The following MPDZ variants were observed in gnomAD, a reference collection of about 807,000 sequenced individuals.
MPDZ encodes multiple PDZ domain crumbs cell polarity complex component.
A neutral mutation model predicts 239.1 loss-of-function variants in MPDZ; 234 were observed. The ratio of observed to expected loss-of-function variants is 0.98; its 90% CI spans 0.88 to 1.09. MPDZ has a LOEUF of 1.09. Among genes scored for constraint, MPDZ ranks in the 50% least tolerant of loss-of-function variants. The pLI is 0.00. For synonymous variants in MPDZ, 1,048 were observed against 881.3 expected (o/e 1.19, Z -3.35); for missense variants, 3,175 against 2,510.0 (o/e 1.26, Z -5.66).
chr9:13,207,481 C>T (rs192078660), intron 10 of MPDZ, among the ~76,000 whole-genome samples: 1 of 152,286 alleles, frequency 6.6e-6, no homozygotes, highest in Admixed American at 6.5e-5. Context: ...ATGGAGTCTC[C>T]GCAAGTCCTG....
chr9:13,121,506 C>A (rs1944343005), intron 38 of MPDZ, among the ~76,000 whole-genome samples: 1 of 152,172 alleles, frequency 6.6e-6, no homozygotes, highest in Non-Finnish European at 1.5e-5. Context: ...ATAGCAGGTG[C>A]TCAAAAATAC....
intron 17 of MPDZ, 43 bp from the exon 18 acceptor site, chr9:13,186,429 C>A: frequency 1.5e-6 from 2 of 1,327,964 alleles, no homozygotes; most frequent in Non-Finnish European, 2.1e-6. Flanking sequence ...GAGAGAACAG[C>A]AAAGAAGAAA....
At chr9:13,164,658 C>G (rs1018039928) in intron 22 of MPDZ, among the ~76,000 whole-genome samples, 1 of 152,022 alleles carries the variant, frequency 6.6e-6, no homozygotes, top group Non-Finnish European at 1.5e-5. Context: ...TATATTTGTT[C>G]AAAGTTGTTT....
chr9:13,189,488 C>T lies in MPDZ; in HGVS notation c.2155-495G>A, dbSNP rs1208064753. Among the ~76,000 whole-genome samples, 11 of 152,138 alleles carry T rather than the reference C, an allele frequency of 7.2e-5. No homozygotes were observed. In the East Asian group the frequency reaches 2.1e-3, roughly 30 times the overall value. On this transcript the variant is annotated intron_variant, in intron 16 of 46. Coordinates refer to ENST00000319217, the MANE Select transcript of MPDZ (RefSeq NM_001378778.1). ...TGGTAGTGAAGTGTTTTCAGACACA[C>T]AGCAACCTTAATGTTTTAACAAGGC...
chr9:13,158,572 T>C (rs1024615268), intron 23 of MPDZ, among the ~76,000 whole-genome samples: 1 of 152,182 alleles, frequency 6.6e-6, no homozygotes, highest in Non-Finnish European at 1.5e-5. Context: ...TTAGTATCTC[T>C]GCTTCCTAAG....
rs749740776 is a variant in MPDZ, at chr9:13,206,036, C to T, written c.1354G>A (p.Gly452Arg). The T allele has an allele frequency of 1.2e-6, 2 of 1,612,500 alleles. No homozygotes were observed. The highest frequency in any genetic ancestry group is 3.3e-4 in the Middle Eastern group (2 of 6,058). The stretch of plus-strand genomic sequence containing the variant: ...ATTAGTGTCAGGAGCACAGTTTGTC[C>T]TGTATGTCGCAATACCTCTACTGCT... ...QQAVEVLRHT[G>R]QTVLLTLMRR... Residue 452 changes from glycine (G) to arginine (R), a missense_variant, in exon 11 of 47, where the codon GGA becomes AGA. Physicochemically the swap from Gly to Arg is moderately radical, Grantham distance 125. Coordinates refer to ENST00000319217, the MANE Select transcript of MPDZ (RefSeq NM_001378778.1).
At chr9:13,160,155 A>G (rs1030349748) in intron 23 of MPDZ, among the ~76,000 whole-genome samples, 1 of 152,056 alleles carries the variant, frequency 6.6e-6, no homozygotes, top group African/African-American at 2.4e-5. Flanking sequence ...GCTGCCACAT[A>G]TTTTTATATG....
At chr9:13,211,767 A>C (rs1441194589) in intron 10 of MPDZ, among the ~76,000 whole-genome samples, 1 of 152,104 alleles carries the variant, frequency 6.6e-6, no homozygotes, top group Non-Finnish European at 1.5e-5. Context: ...TAAGTTTTTA[A>C]GTAAAATAAA....
intron 39 of MPDZ, among the ~76,000 whole-genome samples, chr9:13,117,299 A>T (rs930550327): frequency 3.3e-5 from 5 of 152,128 alleles, no homozygotes; most frequent in Admixed American, 6.5e-5. Flanking sequence ...TGGGAGGCCG[A>T]GATGGGTGGA....
chr9:13,116,382 C>T (rs1013031646), intron 39 of MPDZ, among the ~76,000 whole-genome samples: 1 of 152,054 alleles, frequency 6.6e-6, no homozygotes, highest in Non-Finnish European at 1.5e-5. Context: ...AAACCATGAA[C>T]AATGCTTATG....
chr9:13,171,155 A>G (rs998813289), intron 21 of MPDZ, among the ~76,000 whole-genome samples: 1 of 152,202 alleles, frequency 6.6e-6, no homozygotes, highest in Admixed American at 6.6e-5. Flanking sequence ...TGAGAAACAC[A>G]TATGTAATAG....
chr9:13,148,275 T>C (rs547682915), intron 25 of MPDZ, among the ~76,000 whole-genome samples: 18 of 152,226 alleles, frequency 1.2e-4, no homozygotes, highest in African/African-American at 3.8e-4. Flanking sequence ...TTGTAAATTT[T>C]ATTGATCATG....
At chr9:13,163,429 T>C (rs949364147) in intron 22 of MPDZ, among the ~76,000 whole-genome samples, 1 of 152,142 alleles carries the variant, frequency 6.6e-6, no homozygotes, top group African/African-American at 2.4e-5. Flanking sequence ...AAGACTACTA[T>C]TTACACGTGA....
chr9:13,182,560 AAAC>A (rs1953496988), intron 19 of MPDZ, among the ~76,000 whole-genome samples: 1 of 152,110 alleles, frequency 6.6e-6, no homozygotes, highest in African/African-American at 2.4e-5. Flanking sequence ...AATTTCCAAA[AAAC>A]AACTGCAAAG....
In MPDZ at chr9:13,106,016, A is replaced by G. The variant is rs1941415215; in HGVS notation, c.*949T>C. The G allele has an allele frequency of 6.6e-6, 1 of 152,198 alleles. No individual in the cohort carries two copies. The highest frequency in any genetic ancestry group is 6.5e-5 in the Admixed American group (1 of 15,270). 9.4% of individuals were successfully genotyped at this position (152,198 alleles called of 1,614,324 possible). ...ATTTTTCTATCAATTTACTAATGGCATACAACCAAAATAATTAGTAACACA... is the reference window on the plus strand; with the variant it reads ...ATTTTTCTATCAATTTACTAATGGCGTACAACCAAAATAATTAGTAACACA... On this transcript the variant is annotated 3_prime_UTR_variant, in exon 47 of 47. Coordinates refer to ENST00000319217, the MANE Select transcript of MPDZ (RefSeq NM_001378778.1).
intron 1 of MPDZ, among the ~76,000 whole-genome samples, chr9:13,252,768 G>GA (rs1223571539): frequency 2.0e-5 from 3 of 151,982 alleles, no homozygotes; most frequent in Non-Finnish European, 4.4e-5. Context: ...AGAATTGCCT[G>GA]AATAAAGATG....
At chr9:13,263,841 T>C (rs1470256546) in intron 1 of MPDZ, among the ~76,000 whole-genome samples, 1 of 152,214 alleles carries the variant, frequency 6.6e-6, no homozygotes, top group African/African-American at 2.4e-5. Context: ...TCAGTTTAAA[T>C]AAAACTTATA....
Position 13,108,916 on chromosome 9 carries a change from G to C in MPDZ, c.6066+20C>G. 3.7e-6 allele frequency: 6 copies of C among 1,607,768 alleles called. No individual in the cohort carries two copies. Among genetic ancestry groups the C allele is most frequent in the Non-Finnish European group, 5.1e-6 (6 of 1,176,292 alleles). On this transcript the variant is annotated intron_variant, in intron 46 of 46. Transcript: ENST00000319217. ...TGAATGTTTAGGGGAAAAGAGGGTG[G>C]TTAAAATTTGCAAGCTTACCTTTGC...
chr9:13,126,373 A>G (rs1945115304), intron 34 of MPDZ, 143 bp downstream of exon 34: 1 of 510,002 alleles, frequency 2.0e-6, no homozygotes, highest in African/African-American at 2.0e-5. Context: ...AAATTGAAGA[A>G]CTTCTGAACA....
Sources: gnomAD v4.1 joint callset for allele counts (sites outside exome capture counted in the v4.1 genomes callset) on GRCh38, gnomAD v4.1.1 for gene constraint, MANE v1.5 for transcripts, NCBI Gene and HGNC (gene_info 2026-07-23, HGNC 2026-07-21) for gene names.